The following PRKCQ variants were observed in gnomAD, a reference collection of about 807,000 sequenced individuals.
PRKCQ encodes protein kinase C theta.
In PRKCQ, 41 loss-of-function variants were observed where a neutral mutation model predicts 91.2. The observed-to-expected ratio is 0.45, with a 90% CI of 0.35 to 0.58. The LOEUF is 0.58. PRKCQ is among the 20% of genes least tolerant of loss of function. The pLI is 0.00. For synonymous variants in PRKCQ, 307 were observed against 316.9 expected, an observed-to-expected ratio of 0.97 and a Z score of 0.33; for missense variants, 673 against 896.5, an observed-to-expected ratio of 0.75 and a Z score of 3.18.
chr10:6,512,486 T>C (rs901095006), intron 2 of PRKCQ, among the ~76,000 whole-genome samples: 1 of 152,270 alleles, frequency 6.6e-6, no homozygotes, highest in Non-Finnish European at 1.5e-5. Context: ...AAGAAGTTTT[T>C]TCTTGTCTTT....
chr10:6,568,580 C>G (rs1840919911), intron 1 of PRKCQ, among the ~76,000 whole-genome samples: 2 of 151,124 alleles, frequency 1.3e-5, no homozygotes, highest in African/African-American at 2.4e-5. Flanking sequence ...TCACTGCAAG[C>G]TCCACCTCCC....
chr10:6,404,217 T>TAG, the PRKCQ span, among the ~76,000 whole-genome samples: 2,880 of 98,186 alleles, frequency 0.029, 48 homozygotes, highest in Non-Finnish European at 0.033. Context: ...AAGAAAAAAC[T>TAG]AGAGAGAGAG....
At chr10:6,546,429 T>C (rs1271877641) in intron 1 of PRKCQ, among the ~76,000 whole-genome samples, 2 of 152,190 alleles carry the variant, frequency 1.3e-5, no homozygotes, top group East Asian at 3.9e-4. Flanking sequence ...ACACAAAGCT[T>C]AGCCATGTGG....
At chr10:6,537,882 C>T (rs368036771) in intron 1 of PRKCQ, among the ~76,000 whole-genome samples, 3 of 152,208 alleles carry the variant, frequency 2.0e-5, no homozygotes, top group Non-Finnish European at 2.9e-5. Flanking sequence ...TCTTCCACAG[C>T]GCCCCCCTTC....
At chr10:6,538,560 A>G (rs1436388339) in intron 1 of PRKCQ, among the ~76,000 whole-genome samples, 1 of 152,228 alleles carries the variant, frequency 6.6e-6, no homozygotes, top group Non-Finnish European at 1.5e-5. Flanking sequence ...TCCTGCCTTT[A>G]GAACATCTAG....
At chr10:6,524,465 A>C (rs1387728511) in intron 1 of PRKCQ, among the ~76,000 whole-genome samples, 4 of 152,136 alleles carry the variant, frequency 2.6e-5, no homozygotes, top group Non-Finnish European at 5.9e-5. Context: ...ACCACCTGCC[A>C]CATCTACCGT....
intron 11 of PRKCQ, among the ~76,000 whole-genome samples, chr10:6,480,251 C>T (rs1162193091): frequency 6.6e-6 from 1 of 152,156 alleles, no homozygotes. Context: ...ATTGTATTAT[C>T]TAATTTAATT....
At chr10:6,457,947 G>GTT (rs35884637) in intron 14 of PRKCQ, among the ~76,000 whole-genome samples, 70 of 148,730 alleles carry the variant, frequency 4.7e-4, no homozygotes, top group South Asian at 1.5e-3. Flanking sequence ...TTGATATCAG[G>GTT]TTTTTTTTTT....
rs142270204 is a variant in PRKCQ, at chr10:6,473,925, T to G, written c.1353+5067A>C. Among the ~76,000 whole-genome samples the G allele has an allele frequency of 5.5e-3, 843 of 152,244 alleles. 5 individuals are homozygous for G. The highest frequency in any genetic ancestry group is 0.014 in the Middle Eastern group (4 of 294). On this transcript the variant is annotated intron_variant, in intron 12 of 17. Coordinates refer to ENST00000263125, the MANE Select transcript of PRKCQ (RefSeq NM_006257.5). ...AGTATGGTACTTTCTCCAAAAAAGATCCAAACTTCTCTGCAAGTGCTATTA... is the reference window on the plus strand; with the variant it reads ...AGTATGGTACTTTCTCCAAAAAAGAGCCAAACTTCTCTGCAAGTGCTATTA...
At chr10:6,399,887 G>T in the PRKCQ span, among the ~76,000 whole-genome samples, 1 of 152,116 alleles carries the variant, frequency 6.6e-6, no homozygotes, top group African/African-American at 2.4e-5. Flanking sequence ...AGGTCACTCA[G>T]ATCAAGTCCC....
rs1833996955 is a variant in PRKCQ, at chr10:6,442,031, C to A, written c.1698G>T (p.Gly566=). The change falls in exon 16 of 18, where the codon GGG becomes GGT. Residue 566 remains glycine (G), a synonymous_variant. Coordinates refer to ENST00000263125, the MANE Select transcript of PRKCQ (RefSeq NM_006257.5). ...CAATCAGCATTTCATAAAGGAGAACCCCGAAGGACCACCAGTCCACAGAGT... is the reference window on the plus strand; with the variant it reads ...CAATCAGCATTTCATAAAGGAGAACACCGAAGGACCACCAGTCCACAGAGT... ...YNHSVDWWSF[G]VLLYEMLIGQ... 6.2e-7 allele frequency: 1 copy of A among 1,614,094 alleles called. No individual in the cohort carries two copies. Among genetic ancestry groups the A allele is most frequent in the Non-Finnish European group, 8.5e-7 (1 of 1,180,004 alleles).
At chr10:6,470,669 G>A (rs993428489) in intron 12 of PRKCQ, among the ~76,000 whole-genome samples, 4 of 152,232 alleles carry the variant, frequency 2.6e-5, no homozygotes, top group African/African-American at 9.6e-5. Context: ...TCAAGGCAGA[G>A]GCCAAGCGCG....
chr10:6,509,850 G>T (rs1838381905), intron 3 of PRKCQ, among the ~76,000 whole-genome samples: 1 of 152,192 alleles, frequency 6.6e-6, no homozygotes, highest in South Asian at 2.1e-4. Context: ...TTACTTTAGT[G>T]ATACGAGCAA....
the PRKCQ span, among the ~76,000 whole-genome samples, chr10:6,405,273 G>A: frequency 2.3e-4 from 35 of 152,166 alleles, no homozygotes; most frequent in African/African-American, 7.5e-4. Flanking sequence ...GTGAGCCACC[G>A]CGCCCGGTCA....
At chr10:6,447,429 A>G (rs997183036) in intron 15 of PRKCQ, among the ~76,000 whole-genome samples, 3 of 149,910 alleles carry the variant, frequency 2.0e-5, no homozygotes, top group African/African-American at 7.4e-5. Context: ...AAAAAGTACG[A>G]TATTTCCCTG....
chr10:6,401,703 G>A, the PRKCQ span, among the ~76,000 whole-genome samples: 1 of 152,146 alleles, frequency 6.6e-6, no homozygotes, highest in Non-Finnish European at 1.5e-5. Flanking sequence ...GCTGAGTCAC[G>A]CTGTCTGCTG....
chr10:6,505,452 C>A (rs995231450), intron 4 of PRKCQ, among the ~76,000 whole-genome samples: 5 of 150,902 alleles, frequency 3.3e-5, no homozygotes, highest in African/African-American at 1.2e-4. Context: ...TTCTTTCTTT[C>A]TTTTGAAGGA....
At position 6,490,124 on chromosome 10, in the gene PRKCQ, G is replaced by A. The variant is rs61841273; in HGVS notation, c.790+1559C>T. On this transcript the variant is annotated intron_variant, in intron 8 of 17. Transcript: ENST00000263125. ...CTTGAACAGGGGTGTAGAGAAAAGCGTGTCAGTGTCCTTTGGGGCCAGGAA... is the reference window on the plus strand; with the variant it reads ...CTTGAACAGGGGTGTAGAGAAAAGCATGTCAGTGTCCTTTGGGGCCAGGAA... 1.0e-3 allele frequency among the ~76,000 whole-genome samples: 154 copies of A among 151,794 alleles called. 1 individual carries two copies. Among genetic ancestry groups the A allele is most frequent in the Non-Finnish European group, 1.9e-3 (127 of 68,014 alleles).
chr10:6,399,188 T>C, the PRKCQ span, among the ~76,000 whole-genome samples: 1 of 152,196 alleles, frequency 6.6e-6, no homozygotes, highest in Non-Finnish European at 1.5e-5. Flanking sequence ...GTGAAAGCCA[T>C]AGTGTCCCCA....
Sources: allele counts gnomAD v4.1 joint callset (sites outside exome capture counted in the v4.1 genomes callset), GRCh38; gene constraint gnomAD v4.1.1; transcripts MANE v1.5; gene names NCBI Gene and HGNC (gene_info 2026-07-23, HGNC 2026-07-21).